Variants in FRMD4B observed in about 807,000 individuals in gnomAD.
FRMD4B encodes FERM domain-containing protein 4B.
In FRMD4B, 74 loss-of-function variants were observed where a neutral mutation model predicts 141.5. That is an observed-to-expected ratio of 0.52 (90% CI 0.43 to 0.63). The LOEUF (loss-of-function observed/expected upper bound fraction) is 0.63. Ranked by LOEUF, FRMD4B falls within the 30% of genes least tolerant of loss-of-function variation. The probability of loss-of-function intolerance (pLI) is 0.00; values close to 1 mark genes in which losing one functional copy is unlikely to be tolerated. For synonymous variants in FRMD4B, 506 were observed against 467.9 expected (o/e 1.08, Z -1.05); for missense variants, 1,366 against 1,253.4 (o/e 1.09, Z -1.36).
At position 69,188,629 on chromosome 3, in the gene FRMD4B, C is replaced by T. The variant is rs1028328741; in HGVS notation, c.1772-712G>A. On this transcript the variant is annotated intron_variant, in intron 18 of 22. Coordinates refer to ENST00000398540, the MANE Select transcript of FRMD4B (RefSeq NM_015123.3). ...AAAATTAGCCGGGCGCGGTGGCGGG[C>T]GCCTGTAGTCCCAGCTACTCGGGAG... Among the ~76,000 whole-genome samples the T allele has an allele frequency of 1.6e-4, 24 of 151,526 alleles. 1 individual carries two copies. The South Asian group carries it at 2.5e-3, about 16-fold the overall frequency.
intron 18 of FRMD4B, among the ~76,000 whole-genome samples, chr3:69,189,589 CAAA>C (rs2092814044): frequency 2.0e-5 from 3 of 152,014 alleles, no homozygotes; most frequent in Admixed American, 2.0e-4. Flanking sequence ...ATGATTACTT[CAAA>C]ATAAAAAGTT....
At chr3:69,424,767 A>T (rs2106818288) in intron 2 of FRMD4B, among the ~76,000 whole-genome samples, 1 of 152,348 alleles carries the variant, frequency 6.6e-6, no homozygotes, top group Non-Finnish European at 1.5e-5. Context: ...ATAAAAAAGC[A>T]ACTTCTTTAA....
chr3:69,222,396 G>GTCCAC (rs2093204694), intron 8 of FRMD4B, among the ~76,000 whole-genome samples: 1 of 150,820 alleles, frequency 6.6e-6, no homozygotes, highest in South Asian at 2.1e-4. Context: ...GAACCTGGGA[G>GTCCAC]GTGGAGATAG....
At chr3:69,237,632 G>A (rs2093353985) in intron 7 of FRMD4B, among the ~76,000 whole-genome samples, 1 of 151,922 alleles carries the variant, frequency 6.6e-6, no homozygotes, top group African/African-American at 2.4e-5. Context: ...GGGGGTTCAG[G>A]TGCGAGCATG....
intron 2 of FRMD4B, among the ~76,000 whole-genome samples, chr3:69,395,265 G>A (rs966436594): frequency 2.2e-4 from 33 of 151,868 alleles, no homozygotes; most frequent in Admixed American, 1.3e-3. Context: ...ATAAAAGAGC[G>A]GTTACTTGAA....
At chr3:69,438,113 T>C (rs1224965593) in intron 1 of FRMD4B, among the ~76,000 whole-genome samples, 2 of 148,526 alleles carry the variant, frequency 1.3e-5, no homozygotes, top group African/African-American at 2.5e-5. Context: ...TATATACATA[T>C]ATACTGTCAA....
At chr3:69,524,274 C>A (rs1376240047) in intron 1 of FRMD4B, among the ~76,000 whole-genome samples, 1 of 152,156 alleles carries the variant, frequency 6.6e-6, no homozygotes, top group African/African-American at 2.4e-5. Context: ...ATCCTAGAGG[C>A]CCACTTGGGA....
chr3:69,493,205 T>C (rs377766282), intron 1 of FRMD4B, among the ~76,000 whole-genome samples: 89 of 152,324 alleles, frequency 5.8e-4, no homozygotes, highest in African/African-American at 2.0e-3. Context: ...CAAATAAACT[T>C]GTCAATTTAT....
At chr3:69,420,290 CAA>C (rs56707719) in intron 2 of FRMD4B, among the ~76,000 whole-genome samples, 3 of 131,972 alleles carry the variant, frequency 2.3e-5, no homozygotes, top group Non-Finnish European at 3.2e-5. Flanking sequence ...AAAGGGATAT[CAA>C]AAAAAAAAAA....
intron 1 of FRMD4B, among the ~76,000 whole-genome samples, chr3:69,484,437 A>C (rs1575587081): frequency 6.6e-6 from 1 of 152,262 alleles, no homozygotes; most frequent in East Asian, 1.9e-4. Context: ...CCTTTGCTCG[A>C]GTTCTTGTCC....
In FRMD4B at chr3:69,285,020, A is replaced by G. The variant is rs571197345; in HGVS notation, c.501+2732T>C. ...CTACTAAAAATACAAAAAATTAGCC[A>G]GGTGTGTTGGCACATGCCTGTAATC... On this transcript the variant is annotated intron_variant, in intron 5 of 22. Transcript: ENST00000398540. Among the ~76,000 whole-genome samples the G allele has an allele frequency of 3.9e-5, 6 of 152,184 alleles. No individual in the cohort carries two copies. The South Asian group carries it at 1.2e-3, about 32-fold the overall frequency.
chr3:69,472,184 G>A (rs915755920), intron 1 of FRMD4B: 4 of 258,760 alleles, frequency 1.5e-5, no homozygotes, highest in Non-Finnish European at 3.3e-5. Context: ...AAAACAGAAA[G>A]ATCAAGGATA....
At chr3:69,433,502 A>G (rs1010589664) in intron 1 of FRMD4B, among the ~76,000 whole-genome samples, 2 of 152,160 alleles carry the variant, frequency 1.3e-5, no homozygotes, top group Admixed American at 1.3e-4. Flanking sequence ...CTGTGGCACC[A>G]TCCGCTTGGC....
chr3:69,407,517 T>A (rs1360716897), intron 2 of FRMD4B, among the ~76,000 whole-genome samples: 1 of 152,202 alleles, frequency 6.6e-6, no homozygotes, highest in Admixed American at 6.5e-5. Flanking sequence ...GAATTAAGTT[T>A]CAACTCCGGA....
chr3:69,228,166 C>T (rs935352402), intron 7 of FRMD4B, among the ~76,000 whole-genome samples: 2 of 152,154 alleles, frequency 1.3e-5, no homozygotes, highest in African/African-American at 4.8e-5. Context: ...CAGAACAGCC[C>T]TCAACAACAA....
chr3:69,178,073 T>C (rs1213953707), intron 21 of FRMD4B, among the ~76,000 whole-genome samples: 1 of 152,308 alleles, frequency 6.6e-6, no homozygotes, highest in East Asian at 1.9e-4. Flanking sequence ...TGGGCGTTTG[T>C]TGTCCTCTCT....
chr3:69,303,704 C>A (rs1408618075), intron 3 of FRMD4B, among the ~76,000 whole-genome samples: 1 of 152,076 alleles, frequency 6.6e-6, no homozygotes, highest in East Asian at 1.9e-4. Flanking sequence ...CCAAGGCAGG[C>A]AGATTGCTTG....
chr3:69,210,865 T>G (rs1312986957), intron 11 of FRMD4B, among the ~76,000 whole-genome samples: 1 of 151,676 alleles, frequency 6.6e-6, no homozygotes. Context: ...AATACAAAAT[T>G]AGCCAGGCAT....
chr3:69,314,223 T>A (rs1172309411), intron 1 of FRMD4B, among the ~76,000 whole-genome samples: 2 of 90,440 alleles, frequency 2.2e-5, no homozygotes, highest in Non-Finnish European at 4.1e-5. Context: ...AATTAATGTT[T>A]TATTAAAAAA....
Sources: allele counts gnomAD v4.1 joint callset (sites outside exome capture counted in the v4.1 genomes callset), GRCh38; gene constraint gnomAD v4.1.1; transcripts MANE v1.5; gene names NCBI Gene and HGNC (gene_info 2026-07-23, HGNC 2026-07-21).